GALNT13: variants seen among roughly 807,000 people sequenced by gnomAD.
GALNT13 encodes the protein polypeptide N-acetylgalactosaminyltransferase 13.
A neutral mutation model predicts 64.2 loss-of-function variants in GALNT13; 28 were observed. The ratio of observed to expected loss-of-function variants is 0.44; its 90% CI spans 0.32 to 0.60. The LOEUF (loss-of-function observed/expected upper bound fraction) is 0.60. Among genes scored for constraint, GALNT13 ranks in the 20% least tolerant of loss-of-function variants. The pLI is 0.05. For missense variants in GALNT13, 577 were observed against 669.8 expected (o/e 0.86, Z 1.53); for synonymous variants, 214 against 224.6 (o/e 0.95, Z 0.42).
the GALNT13 span, among the ~76,000 whole-genome samples, chr2:153,199,544 G>C: frequency 1.6e-4 from 24 of 152,164 alleles, no homozygotes; most frequent in African/African-American, 5.6e-4. Context: ...AAATAAAACT[G>C]TTCTTCTTGC....
the GALNT13 span, among the ~76,000 whole-genome samples, chr2:153,123,695 C>T: frequency 6.6e-5 from 10 of 152,072 alleles, no homozygotes; most frequent in African/African-American, 9.7e-5. Context: ...TCATTTCATC[C>T]GAAGCCTAAT....
the GALNT13 span, among the ~76,000 whole-genome samples, chr2:153,606,859 C>A: frequency 6.7e-6 from 1 of 148,910 alleles, no homozygotes; most frequent in East Asian, 2.0e-4. Context: ...TGTGTCATGT[C>A]GTCAGGTTTT....
the GALNT13 span, among the ~76,000 whole-genome samples, chr2:153,687,052 C>G: frequency 6.6e-6 from 1 of 151,816 alleles, no homozygotes; most frequent in East Asian, 1.9e-4. Context: ...CAGTATTTTG[C>G]ACAGGATTTT....
intron 9 of GALNT13, among the ~76,000 whole-genome samples, chr2:154,319,397 G>A (rs1201598797): frequency 6.6e-6 from 1 of 152,148 alleles, no homozygotes; most frequent in Non-Finnish European, 1.5e-5. Context: ...CAAGTGTAGT[G>A]GCTTACGCCT....
At chr2:153,841,561 T>C in the GALNT13 span, among the ~76,000 whole-genome samples, 634 of 152,252 alleles carry the variant, frequency 4.2e-3, 4 homozygotes, top group African/African-American at 0.015. Flanking sequence ...AGATATTACA[T>C]TCTTGTCACA....
chr2:153,340,498 T>A, the GALNT13 span, among the ~76,000 whole-genome samples: 1 of 151,826 alleles, frequency 6.6e-6, no homozygotes, highest in South Asian at 2.1e-4. Context: ...TTACCAAAAG[T>A]ACAAAAATTA....
intron 3 of GALNT13, among the ~76,000 whole-genome samples, chr2:153,948,105 C>A (rs1014310465): frequency 6.6e-6 from 1 of 151,962 alleles, no homozygotes; most frequent in East Asian, 1.9e-4. Flanking sequence ...AGTTTGGTGT[C>A]AAGTAGAATG....
chr2:153,348,166 G>T, the GALNT13 span, among the ~76,000 whole-genome samples: 4 of 152,138 alleles, frequency 2.6e-5, no homozygotes, highest in Admixed American at 6.6e-5. Context: ...TCCCTATTAT[G>T]CCTGTGTTCA....
At chr2:153,468,148 A>G in the GALNT13 span, among the ~76,000 whole-genome samples, 1 of 152,000 alleles carries the variant, frequency 6.6e-6, no homozygotes, top group Non-Finnish European at 1.5e-5. Context: ...TTCAGCGTCT[A>G]CGCACTCTTT....
the GALNT13 span, among the ~76,000 whole-genome samples, chr2:153,213,988 C>T: frequency 7.2e-5 from 11 of 152,184 alleles, no homozygotes; most frequent in African/African-American, 1.7e-4. Context: ...TATGCAACCC[C>T]GATGTTAGAC....
intron 3 of GALNT13, among the ~76,000 whole-genome samples, chr2:153,967,674 G>T (rs191641166): frequency 2.0e-5 from 3 of 152,200 alleles, no homozygotes; most frequent in Admixed American, 2.0e-4. Context: ...CTGGTATCAT[G>T]AGGAGTCACA....
chr2:154,197,515 G>A (rs1686943935), intron 4 of GALNT13, among the ~76,000 whole-genome samples: 1 of 151,890 alleles, frequency 6.6e-6, no homozygotes, highest in Admixed American at 6.6e-5. Context: ...TACCTCACGT[G>A]ATACACATAG....
chr2:154,364,703 A>T (rs542793812), intron 9 of GALNT13, among the ~76,000 whole-genome samples: 2 of 150,974 alleles, frequency 1.3e-5, no homozygotes, highest in African/African-American at 2.4e-5. Context: ...ACGGAGTCTC[A>T]CTCTCTCTCC....
At chr2:153,580,356 A>T in the GALNT13 span, among the ~76,000 whole-genome samples, 26 of 152,140 alleles carry the variant, frequency 1.7e-4, no homozygotes, top group Admixed American at 1.7e-3. Flanking sequence ...CAAAAAAAAA[A>T]AAGTGATGCT....
In GALNT13 at chr2:153,990,623, C is replaced by T. The variant is rs865773691; in HGVS notation, c.142+45984C>T. The stretch of plus-strand genomic sequence containing the variant: ...GTGTTTCAGAGTCTGGCATAACATT[C>T]ATTACATTGAGTGGGGCTCTGTGAC... On this transcript the variant is annotated intron_variant, in intron 3 of 12. Transcript: ENST00000392825. Among the ~76,000 whole-genome samples, 7 of 152,174 alleles carry T rather than the reference C, an allele frequency of 4.6e-5. No homozygotes were observed. In the Middle Eastern group the frequency reaches 0.014, roughly 296 times the overall value.
At chr2:153,870,177 T>C (rs920871111), upstream of GALNT13, among the ~76,000 whole-genome samples, 12 of 152,144 alleles carry the variant, frequency 7.9e-5, no homozygotes, top group African/African-American at 2.9e-4. Flanking sequence ...AGTTTTGGAA[T>C]GGTGTGTTAT....
chr2:153,506,440 A>T, the GALNT13 span, among the ~76,000 whole-genome samples: 2,921 of 152,066 alleles, frequency 0.019, 93 homozygotes, highest in African/African-American at 0.067. Flanking sequence ...ACGTCCTGTG[A>T]GATTTACTGT....
chr2:153,767,744 G>A, the GALNT13 span, among the ~76,000 whole-genome samples: 2 of 149,962 alleles, frequency 1.3e-5, no homozygotes, highest in African/African-American at 4.9e-5. Flanking sequence ...CCACTTGTAT[G>A]TCTTCCTTTG....
chr2:154,352,517 T>G (rs1363343469), intron 9 of GALNT13, among the ~76,000 whole-genome samples: 1 of 152,222 alleles, frequency 6.6e-6, no homozygotes, highest in Admixed American at 6.5e-5. Flanking sequence ...TAGGTACTTT[T>G]ATTACTCCCA....
Sources: gnomAD v4.1 joint callset for allele counts (sites outside exome capture counted in the v4.1 genomes callset) on GRCh38, gnomAD v4.1.1 for gene constraint, MANE v1.5 for transcripts, NCBI Gene and HGNC (gene_info 2026-07-23, HGNC 2026-07-21) for gene names.